The following SBF2 variants were observed in gnomAD, a reference collection of about 807,000 sequenced individuals.
SBF2 encodes the protein myotubularin-related protein 13.
SBF2 carries 112 observed loss-of-function variants against 225.2 expected under a neutral mutation model. That is an observed-to-expected ratio of 0.50 (90% confidence interval 0.43 to 0.58). The LOEUF (loss-of-function observed/expected upper bound fraction) is 0.58, where lower values mean the gene tolerates loss of function less well. Among genes scored for constraint, SBF2 ranks in the 20% least tolerant of loss-of-function variants. The probability of loss-of-function intolerance (pLI) is 0.00; values close to 1 mark genes in which losing one functional copy is unlikely to be tolerated. For synonymous variants in SBF2, 763 were observed against 773.3 expected (o/e 0.99, Z 0.22); for missense variants, 1,996 against 2,206.2 (o/e 0.90, Z 1.91).
Position 9,856,729 on chromosome 11 carries a change from T to C in SBF2, c.2101-9A>G. 1 of 1,610,056 alleles carries C rather than the reference T, an allele frequency of 6.2e-7. No individual in the cohort carries two copies. Among genetic ancestry groups the C allele is most frequent in the African/African-American group, 1.3e-5 (1 of 74,624 alleles). On this transcript the variant is annotated splice_polypyrimidine_tract_variant and intron_variant, in intron 18 of 39. Coordinates refer to ENST00000256190, the MANE Select transcript of SBF2 (RefSeq NM_030962.4). Reference sequence around the variant, plus strand: ...TCATCAGGAAGCTTATCCTAAAAAATAAAGCAACACAATCCAAAAGAGAAC... The same window carrying C: ...TCATCAGGAAGCTTATCCTAAAAAACAAAGCAACACAATCCAAAAGAGAAC...
chr11:9,807,184 CT>C (rs1440016853), intron 32 of SBF2, among the ~76,000 whole-genome samples: 1 of 152,152 alleles, frequency 6.6e-6, no homozygotes, highest in Non-Finnish European at 1.5e-5. Context: ...AATAGGCCTG[CT>C]TTTCCTAGGC....
chr11:10,074,100 A>G (rs1000255558), intron 2 of SBF2, among the ~76,000 whole-genome samples: 1 of 152,186 alleles, frequency 6.6e-6, no homozygotes, highest in Non-Finnish European at 1.5e-5. Context: ...CAATAATCCA[A>G]TTAGAAGGGT....
intron 6 of SBF2, among the ~76,000 whole-genome samples, chr11:10,009,495 T>C (rs1303662816): frequency 6.6e-6 from 1 of 151,916 alleles, no homozygotes; most frequent in Non-Finnish European, 1.5e-5. Flanking sequence ...CACTTATGAG[T>C]GAGAACATGC....
intron 2 of SBF2, among the ~76,000 whole-genome samples, chr11:10,073,412 G>C (rs1196215394): frequency 6.6e-6 from 1 of 152,070 alleles, no homozygotes; most frequent in Non-Finnish European, 1.5e-5. Context: ...AGAAACTATA[G>C]ATTAAGAAAG....
At chr11:9,825,182 T>G (rs1854996645) in intron 28 of SBF2, among the ~76,000 whole-genome samples, 1 of 152,112 alleles carries the variant, frequency 6.6e-6, no homozygotes, top group Non-Finnish European at 1.5e-5. Context: ...TAATTCAATA[T>G]GACTGGTGTA....
chr11:9,818,315 T>C (rs1854566633), intron 28 of SBF2, among the ~76,000 whole-genome samples: 1 of 152,200 alleles, frequency 6.6e-6, no homozygotes, highest in Non-Finnish European at 1.5e-5. Context: ...TAAGATGACC[T>C]TAGTTATATT....
intron 2 of SBF2, among the ~76,000 whole-genome samples, chr11:10,062,118 G>A (rs1428016233): frequency 6.6e-6 from 1 of 152,126 alleles, no homozygotes; most frequent in Non-Finnish European, 1.5e-5. Flanking sequence ...AAATGGTACT[G>A]GGATAACTGG....
At chr11:10,219,679 G>T (rs1958269741) in intron 1 of SBF2, among the ~76,000 whole-genome samples, 1 of 152,114 alleles carries the variant, frequency 6.6e-6, no homozygotes, top group South Asian at 2.1e-4. Context: ...TCTTCCACCG[G>T]ATACCCTAAA....
chr11:9,872,209 AAC>A (rs762708010), intron 17 of SBF2, among the ~76,000 whole-genome samples: 26 of 152,318 alleles, frequency 1.7e-4, no homozygotes, highest in Non-Finnish European at 2.1e-4. Context: ...TCAGCAAACT[AAC>A]ACAGGAACAG....
At chr11:10,227,099 G>A (rs1315810384) in intron 1 of SBF2, among the ~76,000 whole-genome samples, 1 of 152,098 alleles carries the variant, frequency 6.6e-6, no homozygotes, top group Admixed American at 6.6e-5. Context: ...TTTTTCATGT[G>A]TTTTTTGGCT....
intron 17 of SBF2, among the ~76,000 whole-genome samples, chr11:9,885,724 T>A (rs1860235034): frequency 6.6e-6 from 1 of 152,292 alleles, no homozygotes; most frequent in East Asian, 1.9e-4. Context: ...TAAAAATTTT[T>A]ACGTTTTTAT....
intron 3 of SBF2, 28 bp downstream of exon 3, chr11:10,042,816 G>A (rs1329320395): frequency 6.2e-7 from 1 of 1,611,720 alleles, no homozygotes; most frequent in Non-Finnish European, 8.5e-7. Flanking sequence ...ACCTTCGACT[G>A]TACTTTAGCT....
Position 10,303,725 on chromosome 11 carries a change from T to A in SBF2, n.386+767A>T, listed in dbSNP as rs1430291557. ...GGCCTCTCCGTCGAGTCGCTGGGCT[T>A]CAGGACATTCGATTAGAGGAGTGGT... On this transcript the variant is annotated intron_variant and non_coding_transcript_variant, in intron 1 of 5. Coordinates refer to the SBF2 transcript ENST00000685217. The surrounding 1 kb of genome is among the most constrained non-coding windows in gnomAD (Gnocchi z 5.2). The A allele has an allele frequency of 1.3e-5, 2 of 152,200 alleles. No individual in the cohort carries two copies. Among genetic ancestry groups the A allele is most frequent in the Admixed American group, 1.3e-4 (2 of 15,284 alleles). 9.4% of individuals were successfully genotyped at this position (152,200 alleles called of 1,614,324 possible). A position where few individuals can be genotyped will look rare whatever the true frequency, so the allele number is the denominator to read the frequency against.
At chr11:9,954,804 G>A (rs1866056497) in intron 16 of SBF2, among the ~76,000 whole-genome samples, 1 of 152,084 alleles carries the variant, frequency 6.6e-6, no homozygotes, top group Admixed American at 6.5e-5. Context: ...AATTGTAAAT[G>A]CTAAAATTAA....
At chr11:10,210,521 C>A (rs1472246978) in intron 1 of SBF2, among the ~76,000 whole-genome samples, 6 of 152,060 alleles carry the variant, frequency 3.9e-5, no homozygotes, top group Admixed American at 3.3e-4. Flanking sequence ...GACAATTGCC[C>A]TGCTAAAACA....
At chr11:10,026,066 T>C (rs1268080372) in intron 6 of SBF2, among the ~76,000 whole-genome samples, 1 of 151,812 alleles carries the variant, frequency 6.6e-6, no homozygotes, top group Non-Finnish European at 1.5e-5. Flanking sequence ...GCTAATTGTA[T>C]TGGGGGTAAA....
intron 16 of SBF2, among the ~76,000 whole-genome samples, chr11:9,939,063 G>A (rs1033371238): frequency 6.6e-6 from 1 of 151,806 alleles, no homozygotes; most frequent in Non-Finnish European, 1.5e-5. Context: ...AGCCAAACAA[G>A]CATGCTTTAT....
chr11:9,986,174 T>G (rs1947189435), intron 13 of SBF2, among the ~76,000 whole-genome samples: 1 of 152,174 alleles, frequency 6.6e-6, no homozygotes, highest in African/African-American at 2.4e-5. Flanking sequence ...AACCTGCTCC[T>G]GAATGAGCAT....
At chr11:9,928,095 T>TA (rs1399760348) in intron 16 of SBF2, among the ~76,000 whole-genome samples, 1 of 152,116 alleles carries the variant, frequency 6.6e-6, no homozygotes, top group Non-Finnish European at 1.5e-5. Context: ...TATTCATGAA[T>TA]AAAAAATTGA....
Sources: allele counts gnomAD v4.1 joint callset (sites outside exome capture counted in the v4.1 genomes callset), GRCh38; gene constraint gnomAD v4.1.1; non-coding constraint Gnocchi (gnomAD v3.1); transcripts MANE v1.5; gene names NCBI Gene and HGNC (gene_info 2026-07-23, HGNC 2026-07-21).